The following NELL1 variants were observed in gnomAD, a reference collection of about 807,000 sequenced individuals.
NELL1 encodes the protein neural EGFL like 1, also known as protein kinase C-binding protein NELL1.
NELL1 carries 76 observed loss-of-function variants against 107.4 expected under a neutral mutation model. The ratio of observed to expected loss-of-function variants is 0.71; its 90% CI spans 0.59 to 0.86. The LOEUF is 0.86. Ranked by LOEUF, NELL1 falls within the 40% of genes least tolerant of loss-of-function variation. The pLI is 0.00. For missense variants in NELL1, 1,024 were observed against 1,005.5 expected (o/e 1.02, Z -0.25); for synonymous variants, 353 against 341.2 (o/e 1.03, Z -0.38).
intron 12 of NELL1, among the ~76,000 whole-genome samples, chr11:20,963,589 C>G (rs1004978016): frequency 6.6e-6 from 1 of 152,056 alleles, no homozygotes; most frequent in African/African-American, 2.4e-5. Flanking sequence ...GGCCATTTCC[C>G]CAGCTCTCTC....
intron 12 of NELL1, among the ~76,000 whole-genome samples, chr11:21,031,505 A>G (rs992663789): frequency 1.3e-5 from 2 of 152,208 alleles, no homozygotes; most frequent in Non-Finnish European, 2.9e-5. Flanking sequence ...GTGTGATATT[A>G]AGGAAGGTGG....
intron 9 of NELL1, among the ~76,000 whole-genome samples, chr11:20,934,794 C>T (rs1262619629): frequency 6.6e-6 from 1 of 152,112 alleles, no homozygotes; most frequent in Non-Finnish European, 1.5e-5. Flanking sequence ...GGTGTGGTCT[C>T]TCCATGCAAG....
intron 15 of NELL1, among the ~76,000 whole-genome samples, chr11:21,380,523 T>A (rs2133767673): frequency 6.6e-6 from 1 of 152,146 alleles, no homozygotes; most frequent in African/African-American, 2.4e-5. Flanking sequence ...GTAACCCCTT[T>A]CATCTCTTCA....
At chr11:20,694,152 T>C (rs1354244933) in intron 2 of NELL1, among the ~76,000 whole-genome samples, 1 of 152,164 alleles carries the variant, frequency 6.6e-6, no homozygotes, top group African/African-American at 2.4e-5. Context: ...CTTTAAGCAC[T>C]TCTCTGTATT....
At chr11:20,823,617 A>C (rs1467533957) in intron 3 of NELL1, among the ~76,000 whole-genome samples, 2 of 151,360 alleles carry the variant, frequency 1.3e-5, no homozygotes, top group African/African-American at 4.8e-5. Flanking sequence ...AATTGTTATA[A>C]AATCTCCTGA....
At chr11:21,048,447 CTT>C (rs768593367) in intron 12 of NELL1, among the ~76,000 whole-genome samples, 79 of 152,234 alleles carry the variant, frequency 5.2e-4, no homozygotes, top group Non-Finnish European at 9.6e-4. Flanking sequence ...TGATCTGTCT[CTT>C]TGCTTCCTTC....
intron 12 of NELL1, among the ~76,000 whole-genome samples, chr11:21,080,731 G>A (rs1854247172): frequency 6.6e-6 from 1 of 152,044 alleles, no homozygotes; most frequent in Non-Finnish European, 1.5e-5. Context: ...TCAAAGGTAT[G>A]TACATTTTAA....
rs141244674 is a variant in NELL1 at position 20,728,515 on chromosome 11, T to C, written c.184+50455T>C. Among the ~76,000 whole-genome samples, 1,200 of 152,204 alleles carry C rather than the reference T, an allele frequency of 7.9e-3. 14 individuals carry two copies. The highest frequency in any genetic ancestry group is 0.028 in the African/African-American group (1,148 of 41,560). On this transcript the variant is annotated intron_variant, in intron 2 of 19. Transcript: ENST00000357134. ...AGTGAAAGGTAGGTGTCTGATTTCA[T>C]TCTGCATGTGGCTAGTCAGCTATCT...
chr11:21,506,497 C>T (rs1855281989), intron 15 of NELL1, among the ~76,000 whole-genome samples: 1 of 152,132 alleles, frequency 6.6e-6, no homozygotes, highest in Admixed American at 6.6e-5. Context: ...GAAGTAGAAT[C>T]TGGAATAAAA....
At chr11:21,294,159 G>A (rs928399978) in intron 14 of NELL1, among the ~76,000 whole-genome samples, 2 of 152,062 alleles carry the variant, frequency 1.3e-5, no homozygotes, top group Non-Finnish European at 2.9e-5. Flanking sequence ...TGCTTAATCA[G>A]AGGCAACTGT....
intron 14 of NELL1, among the ~76,000 whole-genome samples, chr11:21,273,974 C>A (rs561499175): frequency 5.9e-5 from 9 of 152,252 alleles, no homozygotes; most frequent in African/African-American, 2.2e-4. Context: ...ACTATCGAGG[C>A]TAGGAAGAAA....
intron 12 of NELL1, among the ~76,000 whole-genome samples, chr11:21,087,397 AAT>A (rs971755695): frequency 2.0e-5 from 3 of 151,856 alleles, no homozygotes; most frequent in African/African-American, 7.3e-5. Context: ...GAAAAAAAAA[AAT>A]ATTTTGCTAG....
chr11:20,865,592 G>A (rs1849081461), intron 4 of NELL1, among the ~76,000 whole-genome samples: 1 of 152,170 alleles, frequency 6.6e-6, no homozygotes. Context: ...AACAGGCAGG[G>A]GAAGGGAGGA....
At position 20,672,653 on chromosome 11, in the gene NELL1, G is replaced by A. The variant is rs559965148; in HGVS notation, c.55+2875G>A. ...GAAAATTTAGAAGGCTACAATAATA[G>A]CAGTAATAACACACTATCTCTATGA... is the stretch of plus-strand genomic sequence containing the variant. On this transcript the variant is annotated intron_variant, in intron 1 of 19. Coordinates refer to ENST00000357134, the MANE Select transcript of NELL1 (RefSeq NM_006157.5). Among the ~76,000 whole-genome samples, 6 of 152,240 alleles carry A rather than the reference G, an allele frequency of 3.9e-5. No homozygotes were observed. The South Asian group carries it at 1.0e-3, about 26-fold the overall frequency.
intron 15 of NELL1, among the ~76,000 whole-genome samples, chr11:21,522,247 AC>A (rs1318424552): frequency 3.6e-4 from 54 of 150,902 alleles, no homozygotes; most frequent in African/African-American, 7.1e-4. Context: ...AAAAAAAAAA[AC>A]AAACAAACCT....
At chr11:21,423,658 A>G (rs1314766577) in intron 15 of NELL1, among the ~76,000 whole-genome samples, 2 of 152,298 alleles carry the variant, frequency 1.3e-5, no homozygotes, top group Non-Finnish European at 2.9e-5. Context: ...CACTTTACTC[A>G]ACAACAAAAG....
chr11:21,171,782 T>C (rs1334963782), intron 13 of NELL1, among the ~76,000 whole-genome samples: 4 of 151,794 alleles, frequency 2.6e-5, no homozygotes, highest in African/African-American at 9.7e-5. Flanking sequence ...CTTCTGGGGC[T>C]GCAGGGTGTG....
chr11:21,391,687 C>A (rs532392851), intron 15 of NELL1, among the ~76,000 whole-genome samples: 3 of 151,738 alleles, frequency 2.0e-5, no homozygotes, highest in African/African-American at 7.3e-5. Flanking sequence ...TCACCCTACC[C>A]AGTCTGGAGT....
chr11:21,546,515 G>C (rs763138263), intron 16 of NELL1, among the ~76,000 whole-genome samples: 6 of 151,922 alleles, frequency 3.9e-5, no homozygotes, highest in Admixed American at 1.3e-4. Flanking sequence ...CTGAATCATG[G>C]GGGAGGGTTT....
Sources: allele counts gnomAD v4.1 joint callset (sites outside exome capture counted in the v4.1 genomes callset), GRCh38; gene constraint gnomAD v4.1.1; transcripts MANE v1.5; gene names NCBI Gene and HGNC (gene_info 2026-07-23, HGNC 2026-07-21).